The following GRHL2 variants were observed in gnomAD, a reference collection of about 807,000 sequenced individuals.
The protein encoded by GRHL2 is grainyhead-like protein 2 homolog.
A neutral mutation model predicts 83.8 loss-of-function variants in GRHL2; 21 were observed. The observed-to-expected ratio is 0.25, with a 90% CI of 0.18 to 0.36. The LOEUF (loss-of-function observed/expected upper bound fraction) is 0.36, where lower values mean the gene tolerates loss of function less well. Ranked by LOEUF, GRHL2 falls within the 10% of genes least tolerant of loss-of-function variation. The pLI, the probability that GRHL2 is intolerant of heterozygous loss-of-function variation, is 1.00. For missense variants in GRHL2, 623 were observed against 781.8 expected, an observed-to-expected ratio of 0.80 and a Z score of 2.42; for synonymous variants, 280 against 278.9, an observed-to-expected ratio of 1.00 and a Z score of -0.04.
intron 5 of GRHL2, 100 bp from the exon 6 acceptor site, chr8:101,573,568 A>G (rs1811869609): frequency 2.8e-6 from 4 of 1,422,350 alleles, no homozygotes; most frequent in Non-Finnish European, 4.0e-6. Flanking sequence ...AACAGTAAAC[A>G]TTGGTTAATG....
chr8:101,678,022 C>A, the GRHL2 span, among the ~76,000 whole-genome samples: 1 of 152,116 alleles, frequency 6.6e-6, no homozygotes. Flanking sequence ...ACCTCAAAAA[C>A]CAGAAAATTT....
chr8:101,657,818 C>T (rs570089977), intron 14 of GRHL2, among the ~76,000 whole-genome samples: 4 of 142,224 alleles, frequency 2.8e-5, no homozygotes, highest in African/African-American at 8.1e-5. Context: ...CTAGCCTGGG[C>T]GACAGAGCGA....
intron 14 of GRHL2, among the ~76,000 whole-genome samples, chr8:101,658,409 C>T (rs1813845545): frequency 6.6e-6 from 1 of 152,202 alleles, no homozygotes; most frequent in African/African-American, 2.4e-5. Context: ...GACTGGAAGC[C>T]TCAGTTCTCT....
chr8:101,613,933 T>TG lies in GRHL2; in HGVS notation c.1099-5605dup, dbSNP rs903988879. Among the ~76,000 whole-genome samples the TG allele has an allele frequency of 4.1e-4, 62 of 151,184 alleles. 6 individuals carry two copies. Among genetic ancestry groups the TG allele is most frequent in the African/African-American group, 1.5e-3 (61 of 40,580 alleles). On this transcript the variant is annotated intron_variant, in intron 8 of 15. Coordinates refer to ENST00000646743, the MANE Select transcript of GRHL2 (RefSeq NM_024915.4). ...ACATCTTAAAAGTGCAAAATACAGT[T>TG]GCTTAAAGAGGAAAATAAATACATT...
intron 8 of GRHL2, among the ~76,000 whole-genome samples, chr8:101,599,567 G>C (rs1218209889): frequency 6.6e-6 from 1 of 152,250 alleles, no homozygotes; most frequent in East Asian, 1.9e-4. Context: ...GCTTAAGCTG[G>C]TTGAAGGATG....
At chr8:101,554,983 A>G (rs1486203649) in intron 3 of GRHL2, among the ~76,000 whole-genome samples, 1 of 152,224 alleles carries the variant, frequency 6.6e-6, no homozygotes, top group Non-Finnish European at 1.5e-5. Context: ...TTCTGGTGGT[A>G]TGATAACAAT....
At chr8:101,631,770 G>GACACA in intron 10 of GRHL2, 46 bp downstream of exon 10, 1 of 1,492,424 alleles carries the variant, frequency 6.7e-7, no homozygotes, top group Non-Finnish European at 9.3e-7. Flanking sequence ...ACTCCAGGTG[G>GACACA]GCTGTGTCCA....
intron 8 of GRHL2, among the ~76,000 whole-genome samples, chr8:101,608,766 CACACACA>C (rs1563605524): frequency 7.0e-6 from 1 of 141,950 alleles, no homozygotes; most frequent in Non-Finnish European, 1.5e-5. Context: ...CACACACACA[CACACACA>C]CACACCTACA....
chr8:101,550,851 A>G (rs1779057616), intron 2 of GRHL2, among the ~76,000 whole-genome samples: 1 of 152,198 alleles, frequency 6.6e-6, no homozygotes, highest in South Asian at 2.1e-4. Context: ...AAGTGGAATC[A>G]TATAATATTT....
At chr8:101,572,199 T>C (rs979890257) in intron 5 of GRHL2, among the ~76,000 whole-genome samples, 2 of 152,214 alleles carry the variant, frequency 1.3e-5, no homozygotes, top group Non-Finnish European at 2.9e-5. Flanking sequence ...CGCAAGCTAG[T>C]GGTCTAGGTG....
intron 1 of GRHL2, among the ~76,000 whole-genome samples, chr8:101,509,486 G>C (rs534863320): frequency 2.0e-5 from 3 of 152,118 alleles, no homozygotes; most frequent in African/African-American, 7.2e-5. Flanking sequence ...TCTAAACTGA[G>C]ATACAACATT....
At chr8:101,553,436 C>T (rs1177598243) in intron 3 of GRHL2, among the ~76,000 whole-genome samples, 5 of 152,172 alleles carry the variant, frequency 3.3e-5, no homozygotes, top group African/African-American at 7.2e-5. Context: ...TAGCTTGTAA[C>T]ATTTCAGTCC....
chr8:101,672,561 A>C (rs1449380885), downstream of GRHL2, among the ~76,000 whole-genome samples: 1 of 151,706 alleles, frequency 6.6e-6, no homozygotes, highest in Non-Finnish European at 1.5e-5. Context: ...ATGTGAAAAG[A>C]CCAAATCCAT....
At chr8:101,676,195 C>A in the GRHL2 span, among the ~76,000 whole-genome samples, 11 of 151,864 alleles carry the variant, frequency 7.2e-5, no homozygotes, top group Admixed American at 5.9e-4. Flanking sequence ...GCAACAAAAG[C>A]CAAAATTGAC....
chr8:101,519,276 G>T (rs1810634691), intron 1 of GRHL2, among the ~76,000 whole-genome samples: 1 of 151,846 alleles, frequency 6.6e-6, no homozygotes. Flanking sequence ...TCCCGCCTTG[G>T]CTTCCCAAAA....
rs146684067 is a variant in GRHL2 at position 101,637,047 on chromosome 8, C to G, written c.1517+119C>G. 1.2e-3 allele frequency: 1,127 copies of G among 905,542 alleles called. 10 individuals carry two copies. In the African/African-American group the frequency reaches 0.014, roughly 11 times the overall value. 56.1% of individuals were successfully genotyped at this position (905,542 alleles called of 1,614,324 possible). A position where few individuals can be genotyped will look rare whatever the true frequency, so the allele number is the denominator to read the frequency against. ...GAAACCCTCCTCTCACCTCAGGACTCAGAGCTGAGAGACGCTTGATTCTGG... is the reference window on the plus strand; with the variant it reads ...GAAACCCTCCTCTCACCTCAGGACTGAGAGCTGAGAGACGCTTGATTCTGG... On this transcript the variant is annotated intron_variant, in intron 12 of 15. Coordinates refer to ENST00000646743, the MANE Select transcript of GRHL2 (RefSeq NM_024915.4).
In GRHL2 at chr8:101,558,453, T is replaced by A. The variant is rs1048525846; in HGVS notation, c.319T>A (p.Leu107Met). 3.1e-6 allele frequency: 5 copies of A among 1,614,100 alleles called. No individual in the cohort carries two copies. The highest frequency in any genetic ancestry group is 4.2e-6 in the Non-Finnish European group (5 of 1,180,008). Residue 107 changes from leucine to methionine, a missense_variant, in exon 4 of 16, where the codon TTG becomes ATG. Coordinates refer to ENST00000646743, the MANE Select transcript of GRHL2 (RefSeq NM_024915.4). ...CLGTSEAQSN[L>M]SGGENRVQVL... The stretch of plus-strand genomic sequence containing the variant: ...TGGCACCAGTGAAGCCCAGAGTAAT[T>A]TGAGTGGAGGAGAAAACCGAGTGCA...
chr8:101,504,639 T>G (rs916584453), intron 1 of GRHL2, among the ~76,000 whole-genome samples: 1 of 147,514 alleles, frequency 6.8e-6, no homozygotes, highest in Non-Finnish European at 1.5e-5. Context: ...CAAGGTCGGG[T>G]TTTTTTTTTG....
intron 4 of GRHL2, among the ~76,000 whole-genome samples, chr8:101,566,937 G>GTA (rs1457087480): frequency 6.6e-6 from 1 of 152,120 alleles, no homozygotes; most frequent in Non-Finnish European, 1.5e-5. Flanking sequence ...GTTCACCACT[G>GTA]TGTCTGTAGC....
Sources: allele counts gnomAD v4.1 joint callset (sites outside exome capture counted in the v4.1 genomes callset), GRCh38; gene constraint gnomAD v4.1.1; transcripts MANE v1.5; gene names NCBI Gene and HGNC (gene_info 2026-07-23, HGNC 2026-07-21).